The following ZFPM2 variants were observed in gnomAD, a reference collection of about 807,000 sequenced individuals.
ZFPM2 encodes zinc finger protein ZFPM2.
ZFPM2 carries 20 observed loss-of-function variants against 98.6 expected under a neutral mutation model. The ratio of observed to expected loss-of-function variants is 0.20; its 90% CI spans 0.14 to 0.29. The LOEUF is 0.29. Among genes scored for constraint, ZFPM2 ranks in the 10% least tolerant of loss-of-function variants. ZFPM2 has a pLI of 1.00. For missense variants in ZFPM2, 1,310 were observed against 1,388.6 expected (o/e 0.94, Z 0.90); for synonymous variants, 518 against 502.7 (o/e 1.03, Z -0.41).
chr8:105,380,135 A>T (rs1208578460), intron 1 of ZFPM2, among the ~76,000 whole-genome samples: 1 of 152,192 alleles, frequency 6.6e-6, no homozygotes, highest in Non-Finnish European at 1.5e-5. Context: ...GATTTTGACA[A>T]AGACTTTCTG....
intron 5 of ZFPM2, among the ~76,000 whole-genome samples, chr8:105,679,331 C>T (rs951962946): frequency 7.2e-5 from 11 of 152,062 alleles, no homozygotes; most frequent in South Asian, 4.1e-4. Context: ...TGGTCTTTGC[C>T]GGGAGTTCAT....
chr8:105,542,749 A>G (rs557999881), intron 3 of ZFPM2, among the ~76,000 whole-genome samples: 2 of 152,314 alleles, frequency 1.3e-5, no homozygotes, highest in Admixed American at 6.5e-5. Context: ...TGCAGTTGTA[A>G]GAAATAGTCC....
At chr8:105,758,339 T>C (rs1480355045) in intron 5 of ZFPM2, among the ~76,000 whole-genome samples, 3 of 152,150 alleles carry the variant, frequency 2.0e-5, no homozygotes, top group Admixed American at 6.6e-5. Flanking sequence ...AAGAGAATAC[T>C]TGACAGTTGA....
intron 4 of ZFPM2, among the ~76,000 whole-genome samples, chr8:105,577,605 A>T (rs1286120367): frequency 6.6e-6 from 1 of 151,872 alleles, no homozygotes; most frequent in Admixed American, 6.6e-5. Context: ...ATCATGGAAA[A>T]ACTGAATTGC....
At chr8:105,380,845 ATTATAAT>A (rs1199112255) in intron 1 of ZFPM2, among the ~76,000 whole-genome samples, 2 of 84,334 alleles carry the variant, frequency 2.4e-5, no homozygotes, top group Admixed American at 1.9e-4. Flanking sequence ...TGTTATATAT[ATTATAAT>A]ATATATAATA....
intron 6 of ZFPM2, among the ~76,000 whole-genome samples, chr8:105,795,488 T>C (rs1813771708): frequency 1.3e-5 from 2 of 151,550 alleles, no homozygotes; most frequent in Non-Finnish European, 2.9e-5. Flanking sequence ...TTAAGGGCCG[T>C]AGACTTAAAA....
chr8:105,537,723 C>A (rs1425613451), intron 3 of ZFPM2, among the ~76,000 whole-genome samples: 1 of 151,742 alleles, frequency 6.6e-6, no homozygotes, highest in Admixed American at 6.6e-5. Context: ...TATATTTTTT[C>A]TTTTTTCTTC....
chr8:105,787,486 A>G (rs1813452742), intron 5 of ZFPM2: 1 of 152,182 alleles, frequency 6.6e-6, no homozygotes, highest in African/African-American at 2.4e-5. Context: ...TAATTGCCCA[A>G]CGTTTCTCTA....
At chr8:105,777,325 A>T (rs1813125187) in intron 5 of ZFPM2, among the ~76,000 whole-genome samples, 1 of 152,310 alleles carries the variant, frequency 6.6e-6, no homozygotes, top group Middle Eastern at 3.4e-3. Context: ...TTGCGTTTTC[A>T]TTTTCTATAA....
At chr8:105,335,252 G>T (rs1041423074) in intron 1 of ZFPM2, among the ~76,000 whole-genome samples, 1 of 151,682 alleles carries the variant, frequency 6.6e-6, no homozygotes, top group African/African-American at 2.4e-5. Context: ...GTTTTTAACC[G>T]TGGAGTCTCT....
chr8:105,443,884 A>AT (rs1284841160), intron 2 of ZFPM2, among the ~76,000 whole-genome samples: 1 of 152,190 alleles, frequency 6.6e-6, no homozygotes, highest in African/African-American at 2.4e-5. Flanking sequence ...GTCTTATTCT[A>AT]TGATATTTAT....
Position 105,334,627 on chromosome 8 carries a change from T to C in ZFPM2, c.40+15646T>C, listed in dbSNP as rs1477202283. Among the ~76,000 whole-genome samples the C allele has an allele frequency of 4.0e-5, 6 of 151,822 alleles. No homozygotes were observed. In the East Asian group the frequency reaches 9.7e-4, roughly 25 times the overall value. On this transcript the variant is annotated intron_variant, in intron 1 of 7. Coordinates refer to ENST00000407775, the MANE Select transcript of ZFPM2 (RefSeq NM_012082.4). Reference sequence around the variant, plus strand: ...TTCTTTAAAATTCAATGTATTCATTTAGGCCCTGTTATACAAAAAGTTTAT... The same window carrying C: ...TTCTTTAAAATTCAATGTATTCATTCAGGCCCTGTTATACAAAAAGTTTAT...
chr8:105,606,094 A>G (rs1464074576), intron 4 of ZFPM2, among the ~76,000 whole-genome samples: 7 of 152,118 alleles, frequency 4.6e-5, no homozygotes, highest in Admixed American at 2.6e-4. Context: ...AAATTCTCAC[A>G]TATTTTTATT....
chr8:105,362,250 C>T (rs371573180), intron 1 of ZFPM2, among the ~76,000 whole-genome samples: 1 of 151,966 alleles, frequency 6.6e-6, no homozygotes, highest in Non-Finnish European at 1.5e-5. Context: ...TAGGTAGAGG[C>T]AGAATTTGCC....
chr8:105,603,158 A>G (rs1816127109), intron 4 of ZFPM2, among the ~76,000 whole-genome samples: 1 of 152,136 alleles, frequency 6.6e-6, no homozygotes. Flanking sequence ...AAGGGATTCC[A>G]TACCAAAAGG....
intron 1 of ZFPM2, among the ~76,000 whole-genome samples, chr8:105,394,550 G>A (rs1172345085): frequency 6.6e-6 from 1 of 152,184 alleles, no homozygotes; most frequent in African/African-American, 2.4e-5. Context: ...GGAGAGCTGA[G>A]TAGGTATAAT....
chr8:105,461,150 C>T (rs1194905813), intron 3 of ZFPM2, among the ~76,000 whole-genome samples: 4 of 151,894 alleles, frequency 2.6e-5, no homozygotes, highest in African/African-American at 9.7e-5. Context: ...TATTTCATGT[C>T]AATAATTCAT....
chr8:105,598,535 T>G (rs1327726441), intron 4 of ZFPM2, among the ~76,000 whole-genome samples: 1 of 152,174 alleles, frequency 6.6e-6, no homozygotes, highest in African/African-American at 2.4e-5. Flanking sequence ...AATTAACTTC[T>G]GGAAAAATGA....
In ZFPM2 at chr8:105,696,296, T is replaced by A. The variant is rs149177305; in HGVS notation, c.532+61939T>A. On this transcript the variant is annotated intron_variant, in intron 5 of 7. Coordinates refer to ENST00000407775, the MANE Select transcript of ZFPM2 (RefSeq NM_012082.4). ...GAAATTGCCTACCAAATCGAGTAAG[T>A]CTTTTAAGAATCCTTCACTTACCCT... is the stretch of plus-strand genomic sequence containing the variant. Among the ~76,000 whole-genome samples, 1,127 of 152,266 alleles carry A rather than the reference T, an allele frequency of 7.4e-3. 6 individuals are homozygous for A. Among genetic ancestry groups the A allele is most frequent in the South Asian group, 0.014 (67 of 4,828 alleles).
Sources: allele counts gnomAD v4.1 joint callset (sites outside exome capture counted in the v4.1 genomes callset), GRCh38; gene constraint gnomAD v4.1.1; transcripts MANE v1.5; gene names NCBI Gene and HGNC (gene_info 2026-07-23, HGNC 2026-07-21).